HNF4A: variants seen among roughly 807,000 people sequenced by gnomAD.
The protein encoded by HNF4A is hepatocyte nuclear factor 4-alpha.
HNF4A carries 15 observed loss-of-function variants against 52.4 expected under a neutral mutation model. That is an observed-to-expected ratio of 0.29 (90% CI 0.19 to 0.44). HNF4A has a LOEUF of 0.44. Ranked by LOEUF, HNF4A falls within the 20% of genes least tolerant of loss-of-function variation. The pLI is 1.00. For missense variants in HNF4A, 479 were observed against 647.2 expected, an observed-to-expected ratio of 0.74 and a Z score of 2.82; for synonymous variants, 280 against 264.4, an observed-to-expected ratio of 1.06 and a Z score of -0.57.
chr20:44,404,862 T>C (rs1939321483), intron 1 of HNF4A, among the ~76,000 whole-genome samples: 1 of 6,062 alleles, frequency 1.6e-4, no homozygotes. Context: ...GTGGTGTGTG[T>C]GCGCGTGTGT....
rs913090618 is a variant in HNF4A at position 44,407,402 on chromosome 20, G to A, written c.312G>A (p.Val104=). 27 of 1,611,128 alleles carry A rather than the reference G, an allele frequency of 1.7e-5. No individual in the cohort carries two copies. Among genetic ancestry groups the A allele is most frequent in the Non-Finnish European group, 2.0e-5 (24 of 1,178,634 alleles). Reference sequence around the variant, plus strand: ...CCAGATTTAGCCGGCAGTGCGTGGTGGACAAAGACAAGAGGAACCAGTGCC... The same window carrying A: ...CCAGATTTAGCCGGCAGTGCGTGGTAGACAAAGACAAGAGGAACCAGTGCC... Residue 104 remains valine (V), a synonymous_variant, in exon 3 of 10, where the codon GTG becomes GTA. Coordinates refer to ENST00000316099, the MANE Select transcript of HNF4A (RefSeq NM_000457.6).
At chr20:44,358,895 T>C (rs6031548) in intron 1 of HNF4A, among the ~76,000 whole-genome samples, 30,813 of 151,980 alleles carry the variant, frequency 0.2, 3,222 homozygotes, top group Middle Eastern at 0.27. Flanking sequence ...TTTAGCAGGA[T>C]TCTAAAGAGC....
At chr20:44,396,373 G>A (rs1427038920), upstream of HNF4A, among the ~76,000 whole-genome samples, 3 of 152,096 alleles carry the variant, frequency 2.0e-5, no homozygotes, top group Admixed American at 1.3e-4. Flanking sequence ...AATGTGGTTC[G>A]TAGTGGCAGC....
rs1030876110 is a variant in HNF4A, at chr20:44,402,440, G to A, written c.115+953G>A. 2.6e-5 allele frequency: 13 copies of A among 507,998 alleles called. No homozygotes were observed. The East Asian group carries it at 4.3e-4, about 17-fold the overall frequency. 31.5% of individuals were successfully genotyped at this position (507,998 alleles called of 1,614,324 possible). On this transcript the variant is annotated intron_variant, in intron 1 of 9. Coordinates refer to ENST00000316099, the MANE Select transcript of HNF4A (RefSeq NM_000457.6). The stretch of plus-strand genomic sequence containing the variant: ...ATATGCAGTTCCCTGTGCTGCGGGC[G>A]GGGGTCAGCGGTCTCTGGTGTGCAC...
chr20:44,361,893 A>G (rs1052324206), intron 1 of HNF4A, among the ~76,000 whole-genome samples: 1 of 152,130 alleles, frequency 6.6e-6, no homozygotes, highest in Admixed American at 6.6e-5. Flanking sequence ...GGAGGAGTAG[A>G]CTGATATCTA....
At position 44,406,200 on chromosome 20, in the gene HNF4A, G is replaced by A. The variant is rs2063497552; in HGVS notation, c.258G>A (p.Arg86=). The change falls in exon 2 of 10, where the codon AGG becomes AGA. Residue 86 remains arginine (R), a synonymous_variant. Coordinates refer to ENST00000316099, the MANE Select transcript of HNF4A (RefSeq NM_000457.6). ...ACGGCTGCAAGGGCTTCTTCCGGAG[G>A]AGCGTGCGGAAGAACCACATGTACT... 1.2e-6 allele frequency: 2 copies of A among 1,613,860 alleles called. No homozygotes were observed. The highest frequency in any genetic ancestry group is 2.2e-5 in the East Asian group (1 of 44,864).
Position 44,429,688 on chromosome 20 carries a change from T to C in HNF4A, c.*23T>C. 2 of 1,612,414 alleles carry C rather than the reference T, an allele frequency of 1.2e-6. No individual in the cohort carries two copies. Among genetic ancestry groups the C allele is most frequent in the Non-Finnish European group, 1.7e-6 (2 of 1,178,870 alleles). On this transcript the variant is annotated 3_prime_UTR_variant, in exon 10 of 10. Transcript: ENST00000316099. Reference sequence around the variant, plus strand: ...TAGCAAGCCGCTGGGGCTTGGGGGCTCCACTGGCTCCCCCCAGCCCCCTAA... The same window carrying C: ...TAGCAAGCCGCTGGGGCTTGGGGGCCCCACTGGCTCCCCCCAGCCCCCTAA...
upstream of HNF4A, among the ~76,000 whole-genome samples, chr20:44,400,991 G>A (rs2063399654): frequency 6.6e-6 from 1 of 152,020 alleles, no homozygotes; most frequent in Admixed American, 6.6e-5. Flanking sequence ...GGGTGGGTGA[G>A]TCAAGGGTCA....
chr20:44,393,119 A>G (rs1338236798), intron 1 of HNF4A, among the ~76,000 whole-genome samples: 3 of 152,210 alleles, frequency 2.0e-5, no homozygotes, highest in African/African-American at 7.2e-5. Flanking sequence ...TCACTCCCCA[A>G]ACCAGAGTCT....
At chr20:44,370,440 G>A (rs1426221207) in intron 1 of HNF4A, among the ~76,000 whole-genome samples, 1 of 152,204 alleles carries the variant, frequency 6.6e-6, no homozygotes, top group Non-Finnish European at 1.5e-5. Context: ...TTGCATAGCT[G>A]ATTTCTTCTC....
At chr20:44,434,309 G>A (rs1471859553), downstream of HNF4A, 1 of 152,234 alleles carries the variant, frequency 6.6e-6, no homozygotes, top group Non-Finnish European at 1.5e-5. Context: ...TACATGAGGA[G>A]TACAAGTGAA....
intron 3 of HNF4A, among the ~76,000 whole-genome samples, chr20:44,412,549 C>G (rs2063600793): frequency 6.6e-6 from 1 of 151,868 alleles, no homozygotes; most frequent in Non-Finnish European, 1.5e-5. Context: ...GAGGAAGGGC[C>G]CTGGGGACTT....
chr20:44,419,383 C>A (rs1005436385), intron 6 of HNF4A, among the ~76,000 whole-genome samples: 2 of 152,240 alleles, frequency 1.3e-5, no homozygotes, highest in African/African-American at 4.8e-5. Flanking sequence ...TTAAGCAGGG[C>A]AGTGCAGTTC....
At chr20:44,410,170 C>A (rs1029348862) in intron 3 of HNF4A, among the ~76,000 whole-genome samples, 1 of 152,204 alleles carries the variant, frequency 6.6e-6, no homozygotes, top group Non-Finnish European at 1.5e-5. Flanking sequence ...GCCAGCAAAC[C>A]CCTTACTAGG....
At position 44,388,379 on chromosome 20, in the gene HNF4A, C is replaced by T. The variant is rs2063259468; in HGVS notation, c.50-17679C>T. ...CTGGAACCTTCCTCAAAGACCCCCCCCACCCCCGTACATTGGAACAAGGTG... is the reference window on the plus strand; with the variant it reads ...CTGGAACCTTCCTCAAAGACCCCCCTCACCCCCGTACATTGGAACAAGGTG... On this transcript the variant is annotated intron_variant, in intron 1 of 9. Transcript: ENST00000316673. Among the ~76,000 whole-genome samples, 2 of 114,672 alleles carry T rather than the reference C, an allele frequency of 1.7e-5. 1 individual carries two copies. 75.2% of individuals were successfully genotyped at this position (114,672 alleles called of 152,430 possible). A position where few individuals can be genotyped will look rare whatever the true frequency, so the allele number is the denominator to read the frequency against.
At chr20:44,429,451 C>T in intron 9 of HNF4A, 72 bp from the exon 10 acceptor site, 1 of 1,590,584 alleles carries the variant, frequency 6.3e-7, no homozygotes, top group Non-Finnish European at 8.6e-7. Flanking sequence ...GAGAACTTTC[C>T]CGGGCCTCTT....
At chr20:44,412,525 G>T (rs1262535088) in intron 3 of HNF4A, among the ~76,000 whole-genome samples, 1 of 152,166 alleles carries the variant, frequency 6.6e-6, no homozygotes, top group African/African-American at 2.4e-5. Flanking sequence ...GGTAAAAGGT[G>T]CGATCCGAGA....
chr20:44,414,462 A>G (rs760371179), intron 4 of HNF4A, 45 bp from the exon 5 acceptor site: 2 of 1,612,132 alleles, frequency 1.2e-6, no homozygotes, highest in South Asian at 2.2e-5. Flanking sequence ...AGAGTGCGGG[A>G]GGGCCCGGAC....
rs201086670 is a variant in HNF4A at position 44,414,598 on chromosome 20, T to A, written c.584T>A (p.Leu195Gln). 1 of 1,614,186 alleles carries A rather than the reference T, an allele frequency of 6.2e-7. No homozygotes were observed. The highest frequency in any genetic ancestry group is 1.3e-5 in the African/African-American group (1 of 75,070). The change falls in exon 5 of 10, where the codon CTG becomes CAG. Residue 195 changes from leucine to glutamine, a missense_variant. Physicochemically the swap from Leu to Gln is moderately radical, Grantham distance 113. This residue lies in a region of HNF4A where 389 missense variants were observed against 525.1 expected (regional missense o/e 0.74). Transcript: ENST00000316099. ...GTGTGTGAGTCCATGAAGGAGCAGC[T>A]GCTGGTTCTCGTTGAGTGGGCCAAG...
Sources: gnomAD v4.1 joint callset for allele counts (sites outside exome capture counted in the v4.1 genomes callset) on GRCh38, gnomAD v4.1.1 for gene constraint, gnomAD v4.1.1 regional missense constraint, MANE v1.5 for transcripts, NCBI Gene and HGNC (gene_info 2026-07-23, HGNC 2026-07-21) for gene names.